Variants in ARHGAP26 observed in about 807,000 individuals in gnomAD.
ARHGAP26 encodes the protein Rho GTPase activating protein 26, also known as rho GTPase-activating protein 26.
In ARHGAP26, 38 loss-of-function variants were observed where a neutral mutation model predicts 104.8. The ratio of observed to expected loss-of-function variants is 0.36; its 90% CI spans 0.28 to 0.48. The LOEUF is 0.48. Ranked by LOEUF, ARHGAP26 falls within the 20% of genes least tolerant of loss-of-function variation. The pLI is 0.99. For missense variants in ARHGAP26, 704 were observed against 947.9 expected (o/e 0.74, Z 3.38); for synonymous variants, 341 against 340.0 (o/e 1.00, Z -0.03).
intron 20 of ARHGAP26, among the ~76,000 whole-genome samples, chr5:143,171,735 T>C (rs1802795839): frequency 6.6e-6 from 1 of 152,122 alleles, no homozygotes; most frequent in African/African-American, 2.4e-5. Context: ...AACTAAAAAC[T>C]TTCCCTCAAA....
chr5:143,014,310 G>A (rs1394155499), intron 12 of ARHGAP26, 194 bp downstream of exon 12: 2 of 626,794 alleles, frequency 3.2e-6, no homozygotes, highest in South Asian at 1.9e-5. Context: ...GAGCCTGGCT[G>A]GCAAGGCTGT....
chr5:143,038,684 C>CTTTT lies in ARHGAP26; in HGVS notation c.1210+1450_1210+1453dup, dbSNP rs60428049. ...GGAAATACATTTTTTGACATACGGC[C>CTTTT]TTTTTTTTTTTTTTTTTTTTTTTTT... is the stretch of plus-strand genomic sequence containing the variant. On this transcript the variant is annotated intron_variant, in intron 13 of 22. Coordinates refer to ENST00000645722, the MANE Select transcript of ARHGAP26 (RefSeq NM_001135608.3). Among the ~76,000 whole-genome samples the CTTTT allele has an allele frequency of 1.7e-3, 112 of 64,436 alleles. 5 individuals are homozygous for CTTTT. The highest frequency in any genetic ancestry group is 2.6e-3 in the African/African-American group (40 of 15,200). 42.3% of individuals were successfully genotyped at this position (64,436 alleles called of 152,430 possible).
chr5:142,976,257 T>A (rs1395684039), intron 11 of ARHGAP26, among the ~76,000 whole-genome samples: 3 of 152,226 alleles, frequency 2.0e-5, no homozygotes, highest in Admixed American at 1.3e-4. Context: ...ATAATCTGTT[T>A]GAAATAGGAG....
intron 1 of ARHGAP26, among the ~76,000 whole-genome samples, chr5:142,868,410 C>G (rs1220363134): frequency 6.6e-6 from 1 of 152,156 alleles, no homozygotes; most frequent in Non-Finnish European, 1.5e-5. Context: ...GGGCTCACTG[C>G]TGGTATTGAC....
In ARHGAP26 at chr5:142,932,100, T is replaced by C. The variant is rs1457902378; in HGVS notation, c.1082T>C (p.Met361Thr). 4 of 1,614,146 alleles carry C rather than the reference T, an allele frequency of 2.5e-6. No individual in the cohort carries two copies. Among genetic ancestry groups the C allele is most frequent in the African/African-American group, 1.3e-5 (1 of 75,054 alleles). Residue 361 changes from methionine to threonine, a missense_variant, in exon 11 of 23, where the codon ATG becomes ACG. This residue lies in a region of ARHGAP26 where 287 missense variants were observed against 438.8 expected (regional missense o/e 0.65). Coordinates refer to ENST00000645722, the MANE Select transcript of ARHGAP26 (RefSeq NM_001135608.3). ...ALSEEDRRLW[M>T]EAMDGREPVY... is the part of the protein sequence containing the mutation. ...TCGGAAGAGGACCGGAGGCTCTGGA[T>C]GGAAGCCATGGATGGCCGGGAACCT... is the stretch of plus-strand genomic sequence containing the variant.
At chr5:142,808,236 G>GAAAAAAAA (rs58550799) in intron 1 of ARHGAP26, among the ~76,000 whole-genome samples, 1 of 32,672 alleles carries the variant, frequency 3.1e-5, no homozygotes, top group African/African-American at 8.4e-5. Context: ...CATTGTCTCG[G>GAAAAAAAA]AAAAAAAAAA....
intron 1 of ARHGAP26, among the ~76,000 whole-genome samples, chr5:142,810,422 C>A (rs1336221458): frequency 6.6e-6 from 1 of 152,208 alleles, no homozygotes; most frequent in Admixed American, 6.5e-5. Flanking sequence ...AGGTCAAGTC[C>A]TGTTGTTAAC....
At chr5:143,014,884 CT>C (rs1429804245) in intron 12 of ARHGAP26, among the ~76,000 whole-genome samples, 1 of 152,166 alleles carries the variant, frequency 6.6e-6, no homozygotes, top group Non-Finnish European at 1.5e-5. Context: ...GTAAAATCCA[CT>C]TGAGAAAAAA....
At chr5:143,030,639 G>A (rs1186246629) in intron 12 of ARHGAP26, among the ~76,000 whole-genome samples, 2 of 152,182 alleles carry the variant, frequency 1.3e-5, no homozygotes, top group African/African-American at 4.8e-5. Flanking sequence ...AAGGTTAAAA[G>A]AACTCATCTA....
intron 11 of ARHGAP26, among the ~76,000 whole-genome samples, chr5:142,935,887 C>T (rs1012210863): frequency 2.0e-5 from 3 of 152,066 alleles, no homozygotes; most frequent in African/African-American, 7.2e-5. Context: ...AAGTTTACCG[C>T]TAACATCATA....
At chr5:143,209,852 T>C (rs910678563) in intron 21 of ARHGAP26, among the ~76,000 whole-genome samples, 26 of 151,402 alleles carry the variant, frequency 1.7e-4, no homozygotes, top group Non-Finnish European at 3.7e-4. Flanking sequence ...ACAGCAACAC[T>C]GCTGAGGAGC....
intron 1 of ARHGAP26, among the ~76,000 whole-genome samples, chr5:142,856,296 G>A (rs1018925860): frequency 6.6e-6 from 1 of 152,252 alleles, no homozygotes; most frequent in African/African-American, 2.4e-5. Context: ...CAGTCGGTTG[G>A]TTGTGTTGGT....
At chr5:142,886,864 GT>G in intron 5 of ARHGAP26, among the ~76,000 whole-genome samples, 1 of 152,256 alleles carries the variant, frequency 6.6e-6, no homozygotes, top group East Asian at 1.9e-4. Flanking sequence ...TGACTTTTTA[GT>G]TATTCTTCTG....
At chr5:143,108,904 C>T (rs905444519) in intron 17 of ARHGAP26, among the ~76,000 whole-genome samples, 3 of 152,346 alleles carry the variant, frequency 2.0e-5, no homozygotes, top group Non-Finnish European at 2.9e-5. Context: ...AAGCTCTCAG[C>T]GCTGGGTCCC....
At chr5:142,996,119 G>A (rs186574312) in intron 11 of ARHGAP26, among the ~76,000 whole-genome samples, 296 of 152,200 alleles carry the variant, frequency 1.9e-3, no homozygotes, top group Non-Finnish European at 3.6e-3. Context: ...GCAGCAAACC[G>A]ACATGGCACA....
At chr5:143,009,078 C>A (rs6864372) in intron 11 of ARHGAP26, among the ~76,000 whole-genome samples, 14,246 of 152,116 alleles carry the variant, frequency 0.094, 1,247 homozygotes, top group African/African-American at 0.23. Flanking sequence ...ACTCTCCCCC[C>A]CTGGTGTTTA....
chr5:142,771,075 C>G (rs546984245), intron 1 of ARHGAP26, 160 bp downstream of exon 1: 1 of 1,368,504 alleles, frequency 7.3e-7, no homozygotes, highest in African/African-American at 1.5e-5. Context: ...GTAAAGCGGG[C>G]GAACCAGCAA....
intron 4 of ARHGAP26, among the ~76,000 whole-genome samples, chr5:142,884,809 A>G (rs1209235500): frequency 2.0e-5 from 3 of 152,214 alleles, no homozygotes; most frequent in African/African-American, 7.2e-5. Context: ...GTGTCAAGAG[A>G]TATTTAGGCT....
At chr5:142,812,324 G>A (rs1199934507) in intron 1 of ARHGAP26, among the ~76,000 whole-genome samples, 1 of 151,996 alleles carries the variant, frequency 6.6e-6, no homozygotes, top group Non-Finnish European at 1.5e-5. Context: ...TGCAGTCATG[G>A]CTCACTGCAT....
Sources: gnomAD v4.1 joint callset for allele counts (sites outside exome capture counted in the v4.1 genomes callset) on GRCh38, gnomAD v4.1.1 for gene constraint, gnomAD v4.1.1 regional missense constraint, MANE v1.5 for transcripts, NCBI Gene and HGNC (gene_info 2026-07-23, HGNC 2026-07-21) for gene names.